Variants in CAMK1D observed in about 807,000 individuals in gnomAD.
CAMK1D encodes the protein calcium/calmodulin-dependent protein kinase type 1D.
In CAMK1D, 9 loss-of-function variants were observed where a neutral mutation model predicts 47.7. The observed-to-expected ratio is 0.19, with a 90% confidence interval of 0.11 to 0.33. The LOEUF (loss-of-function observed/expected upper bound fraction) is 0.33, where lower values mean the gene tolerates loss of function less well. Ranked by LOEUF, CAMK1D falls within the 10% of genes least tolerant of loss-of-function variation. The pLI is 1.00. For missense variants in CAMK1D, 291 were observed against 488.7 expected, an observed-to-expected ratio of 0.60 and a Z score of 3.81; for synonymous variants, 184 against 184.9, an observed-to-expected ratio of 0.99 and a Z score of 0.04.
At chr10:12,360,290 GAC>G (rs1488873786) in intron 1 of CAMK1D, among the ~76,000 whole-genome samples, 1 of 152,162 alleles carries the variant, frequency 6.6e-6, no homozygotes, top group Non-Finnish European at 1.5e-5. Context: ...ATGTTCAAGT[GAC>G]AGTCTTGCCT....
intron 1 of CAMK1D, among the ~76,000 whole-genome samples, chr10:12,452,006 A>C (rs1833097086): frequency 6.6e-6 from 1 of 152,190 alleles, no homozygotes; most frequent in South Asian, 2.1e-4. Flanking sequence ...TAGCCCCTTA[A>C]TTGAGGGAGA....
chr10:12,529,972 G>A (rs541266527), intron 1 of CAMK1D, among the ~76,000 whole-genome samples: 1 of 152,298 alleles, frequency 6.6e-6, no homozygotes, highest in East Asian at 1.9e-4. Flanking sequence ...GGAAACAAAT[G>A]TGAATTTTCT....
chr10:12,355,798 C>T (rs986960745), intron 1 of CAMK1D, among the ~76,000 whole-genome samples: 14 of 152,122 alleles, frequency 9.2e-5, no homozygotes, highest in African/African-American at 2.9e-4. Flanking sequence ...TTCTAGGCAC[C>T]GAGGAGACGG....
intron 1 of CAMK1D, among the ~76,000 whole-genome samples, chr10:12,524,049 G>A (rs952260507): frequency 1.1e-4 from 16 of 151,896 alleles, no homozygotes; most frequent in Non-Finnish European, 2.4e-4. Context: ...CCACCACCAC[G>A]CCTGGCTAAT....
At chr10:12,419,302 G>A (rs557731518) in intron 1 of CAMK1D, among the ~76,000 whole-genome samples, 2 of 152,198 alleles carry the variant, frequency 1.3e-5, no homozygotes, top group East Asian at 1.9e-4. Flanking sequence ...TCAAGGAGGT[G>A]AGGTTGGGAG....
chr10:12,742,614 C>A (rs1835482841), intron 3 of CAMK1D, among the ~76,000 whole-genome samples: 3 of 152,188 alleles, frequency 2.0e-5, no homozygotes, highest in Admixed American at 1.3e-4. Context: ...AAGCAAATCA[C>A]GTGAGCTGAG....
At chr10:12,546,908 T>A (rs1415696882) in intron 1 of CAMK1D, among the ~76,000 whole-genome samples, 1 of 151,904 alleles carries the variant, frequency 6.6e-6, no homozygotes, top group South Asian at 2.1e-4. Context: ...TGTATAGATA[T>A]GTAACAAACC....
At chr10:12,812,852 C>G (rs1832661035) in intron 6 of CAMK1D, among the ~76,000 whole-genome samples, 1 of 152,132 alleles carries the variant, frequency 6.6e-6, no homozygotes, top group African/African-American at 2.4e-5. Context: ...TTTTAGCCAG[C>G]CAAACTGAAT....
At chr10:12,497,551 T>G (rs961831008) in intron 1 of CAMK1D, among the ~76,000 whole-genome samples, 1 of 152,146 alleles carries the variant, frequency 6.6e-6, no homozygotes, top group Non-Finnish European at 1.5e-5. Context: ...GGTTTAAGAT[T>G]TGGTGTGTGT....
chr10:12,678,445 A>G (rs1840883823), intron 3 of CAMK1D, among the ~76,000 whole-genome samples: 1 of 152,228 alleles, frequency 6.6e-6, no homozygotes. Flanking sequence ...GAACTTGAGA[A>G]CAATGTGTAT....
chr10:12,802,072 C>T (rs1005862735), intron 6 of CAMK1D, among the ~76,000 whole-genome samples: 16 of 152,124 alleles, frequency 1.1e-4, no homozygotes, highest in African/African-American at 3.4e-4. Flanking sequence ...TTCTGGGTTG[C>T]CATTAACTAA....
At chr10:12,589,397 C>T (rs1370965298) in intron 2 of CAMK1D, among the ~76,000 whole-genome samples, 8 of 152,182 alleles carry the variant, frequency 5.3e-5, no homozygotes, top group Non-Finnish European at 1.2e-4. Context: ...AGAGGCTGAC[C>T]ACCTCCATGT....
chr10:12,719,771 T>C (rs192621482), intron 3 of CAMK1D, among the ~76,000 whole-genome samples: 3 of 152,342 alleles, frequency 2.0e-5, no homozygotes, highest in Admixed American at 2.0e-4. Flanking sequence ...TGTTTCACAG[T>C]TATCCCAGGA....
chr10:12,521,958 T>C (rs1308160893), intron 1 of CAMK1D, among the ~76,000 whole-genome samples: 2 of 150,374 alleles, frequency 1.3e-5, no homozygotes, highest in Non-Finnish European at 1.5e-5. Context: ...CTTATATATA[T>C]ATCATTATAG....
chr10:12,372,714 G>A (rs1054296236), intron 1 of CAMK1D, among the ~76,000 whole-genome samples: 2 of 152,108 alleles, frequency 1.3e-5, no homozygotes, highest in African/African-American at 4.8e-5. Context: ...CTGCAGCCTC[G>A]ACTTCCTGGA....
At chr10:12,658,263 T>A (rs528539416) in intron 2 of CAMK1D, among the ~76,000 whole-genome samples, 58 of 152,010 alleles carry the variant, frequency 3.8e-4, no homozygotes, top group Admixed American at 1.5e-3. Context: ...AAAGGATGAG[T>A]ATTTTCGTAA....
chr10:12,635,396 C>G (rs893688229), intron 2 of CAMK1D, among the ~76,000 whole-genome samples: 1 of 152,190 alleles, frequency 6.6e-6, no homozygotes. Context: ...CAAAACTGTT[C>G]AGATGTCACC....
In CAMK1D at chr10:12,464,512, C is replaced by T. The variant is rs77357638; in HGVS notation, c.93-88713C>T. Reference sequence around the variant, plus strand: ...TTTAGTGTTAGTGGCTGATGTCAGACAAGGCAGAAAAGAGTGGTCAAGGCC... The same window carrying T: ...TTTAGTGTTAGTGGCTGATGTCAGATAAGGCAGAAAAGAGTGGTCAAGGCC... On this transcript the variant is annotated intron_variant, in intron 1 of 10. Transcript: ENST00000619168. Among the ~76,000 whole-genome samples the T allele has an allele frequency of 6.0e-4, 92 of 152,152 alleles. No individual in the cohort carries two copies. The East Asian group carries it at 0.015, about 25-fold the overall frequency.
At chr10:12,555,936 C>T (rs1336721141) in intron 2 of CAMK1D, among the ~76,000 whole-genome samples, 3 of 152,208 alleles carry the variant, frequency 2.0e-5, no homozygotes, top group African/African-American at 4.8e-5. Flanking sequence ...ATTGTCTTCA[C>T]CCTGCGCCTC....
Sources: allele counts gnomAD v4.1 joint callset (sites outside exome capture counted in the v4.1 genomes callset), GRCh38; gene constraint gnomAD v4.1.1; transcripts MANE v1.5; gene names NCBI Gene and HGNC (gene_info 2026-07-23, HGNC 2026-07-21).